TLE4: variants seen among roughly 807,000 people sequenced by gnomAD.
TLE4 encodes transducin-like enhancer protein 4.
TLE4 carries 8 observed loss-of-function variants against 92.8 expected under a neutral mutation model. That is an observed-to-expected ratio of 0.09 (90% CI 0.05 to 0.16). The LOEUF is 0.16. TLE4 is among the 10% of genes least tolerant of loss of function. The pLI, the probability that TLE4 is intolerant of heterozygous loss-of-function variation, is 1.00. For synonymous variants in TLE4, 371 were observed against 374.1 expected (o/e 0.99, Z 0.10); for missense variants, 675 against 997.6 (o/e 0.68, Z 4.36).
intron 14 of TLE4, among the ~76,000 whole-genome samples, chr9:79,711,273 G>A (rs183281856): frequency 2.2e-4 from 33 of 152,282 alleles, no homozygotes; most frequent in South Asian, 1.9e-3. Flanking sequence ...AGAGTTGAAG[G>A]TATAAATATC....
At chr9:79,655,616 A>G (rs1016973339) in intron 8 of TLE4, among the ~76,000 whole-genome samples, 4 of 152,200 alleles carry the variant, frequency 2.6e-5, no homozygotes, top group Admixed American at 2.6e-4. Context: ...GCAGTTGTGT[A>G]TTTTGTTGTA....
At chr9:79,580,970 A>C (rs988703285) in intron 4 of TLE4, among the ~76,000 whole-genome samples, 1 of 152,116 alleles carries the variant, frequency 6.6e-6, no homozygotes, top group Non-Finnish European at 1.5e-5. Flanking sequence ...TACAATTATA[A>C]GACTATGTGT....
intron 14 of TLE4, among the ~76,000 whole-genome samples, chr9:79,709,985 T>G (rs2072819243): frequency 6.6e-6 from 1 of 152,230 alleles, no homozygotes; most frequent in Non-Finnish European, 1.5e-5. Context: ...AATTCTTTGT[T>G]CCAAAAGTCT....
chr9:79,659,262 C>T (rs1306585341), intron 8 of TLE4, among the ~76,000 whole-genome samples: 1 of 152,228 alleles, frequency 6.6e-6, no homozygotes, highest in Non-Finnish European at 1.5e-5. Flanking sequence ...ACGCCTCATA[C>T]ACCCAGCAAC....
At position 79,655,379 on chromosome 9, in the gene TLE4, T is replaced by C. The variant is rs1391906845; in HGVS notation, c.609+1304T>C. Among the ~76,000 whole-genome samples, 4 of 152,210 alleles carry C rather than the reference T, an allele frequency of 2.6e-5. No homozygotes were observed. The South Asian group carries it at 8.3e-4, about 31-fold the overall frequency. On this transcript the variant is annotated intron_variant, in intron 8 of 19. Coordinates refer to ENST00000376552, the MANE Select transcript of TLE4 (RefSeq NM_007005.6). ...GCTATGTATATGAATGCTAAAATTT[T>C]CTCCCAGAACCACTGTGCTAGCACT...
At chr9:79,652,346 C>T (rs983550552) in intron 6 of TLE4, among the ~76,000 whole-genome samples, 1 of 152,092 alleles carries the variant, frequency 6.6e-6, no homozygotes, top group Non-Finnish European at 1.5e-5. Context: ...GCCACCACAC[C>T]CGGCTAATGT....
Position 79,625,945 on chromosome 9 carries a change from A to T in TLE4, c.316-1429A>T, listed in dbSNP as rs375175963. Among the ~76,000 whole-genome samples, 6 of 151,260 alleles carry T rather than the reference A, an allele frequency of 4.0e-5. No individual in the cohort carries two copies. In the East Asian group the frequency reaches 9.7e-4, roughly 24 times the overall value. Reference sequence around the variant, plus strand: ...GATTGCTTCTTAAGCTCCTGCTTTGAAAATGGAATGCATACAATTTAAAAA... The same window carrying T: ...GATTGCTTCTTAAGCTCCTGCTTTGTAAATGGAATGCATACAATTTAAAAA... On this transcript the variant is annotated intron_variant, in intron 5 of 19. Coordinates refer to ENST00000376552, the MANE Select transcript of TLE4 (RefSeq NM_007005.6).
rs1203412262 is a variant in TLE4 at position 79,572,694 on chromosome 9, CCGGCCGCCTCCGCTGCCG to C, written c.-85_-68del. On this transcript the variant is annotated 5_prime_UTR_variant, in exon 1 of 20. Transcript: ENST00000376552. ...CGCCCGAGCCGCCCCTCAGACCGAG[CCGGCCGCCTCCGCTGCCG>C]CGGCCGCCTCCTCTTCGGGGTCATT... The C allele has an allele frequency of 6.1e-5, 81 of 1,333,204 alleles. No homozygotes were observed. Among genetic ancestry groups the C allele is most frequent in the South Asian group, 1.0e-4 (8 of 80,262 alleles). The allele number at this position is 1,333,204 out of a possible 1,614,324, so 82.6% of individuals were successfully genotyped here. A position where few individuals can be genotyped will look rare whatever the true frequency, so the allele number is the denominator to read the frequency against.
At chr9:79,575,072 C>T in intron 3 of TLE4, 136 bp downstream of exon 3, 2 of 602,968 alleles carry the variant, frequency 3.3e-6, no homozygotes, top group East Asian at 6.1e-5. Flanking sequence ...GGGAATATGT[C>T]TATTAGCAAC....
At chr9:79,712,764 C>T (rs1316129175) in intron 14 of TLE4, among the ~76,000 whole-genome samples, 3 of 152,132 alleles carry the variant, frequency 2.0e-5, no homozygotes, top group African/African-American at 4.8e-5. Flanking sequence ...CAACATAAGC[C>T]AAAAATGGCC....
chr9:79,706,762 C>A lies in TLE4; in HGVS notation c.799C>A (p.Arg267=). 6.2e-7 allele frequency: 1 copy of A among 1,613,556 alleles called. No homozygotes were observed. Among genetic ancestry groups the A allele is most frequent in the Non-Finnish European group, 8.5e-7 (1 of 1,179,774 alleles). The change falls in exon 11 of 20, where the codon CGA becomes AGA. Residue 267 remains arginine, a synonymous_variant. Transcript: ENST00000376552. The part of the protein sequence containing the change: ...DVSNEDPSSP[R]GSPAHSPREN... ...TCCTTTGTAGGATCCATCTTCCCCT[C>A]GAGGGAGCCCAGCACATTCCCCCAG...
intron 14 of TLE4, among the ~76,000 whole-genome samples, chr9:79,715,204 C>T (rs1333441298): frequency 6.6e-6 from 1 of 152,144 alleles, no homozygotes; most frequent in African/African-American, 2.4e-5. Flanking sequence ...CTTTAATAAC[C>T]ATTTAGTGAT....
chr9:79,689,025 C>T (rs61479325), intron 8 of TLE4, among the ~76,000 whole-genome samples: 7,101 of 152,112 alleles, frequency 0.047, 395 homozygotes, highest in African/African-American at 0.14. Context: ...CAGAGTAATG[C>T]ATTTCTCTAC....
intron 4 of TLE4, among the ~76,000 whole-genome samples, chr9:79,582,884 A>AG (rs1172836086): frequency 2.0e-5 from 3 of 152,124 alleles, no homozygotes; most frequent in Non-Finnish European, 2.9e-5. Flanking sequence ...GGAGAGAAGC[A>AG]GGGGGGCAGC....
intron 5 of TLE4, among the ~76,000 whole-genome samples, chr9:79,625,244 C>T (rs2052286360): frequency 6.6e-6 from 1 of 151,740 alleles, no homozygotes; most frequent in Non-Finnish European, 1.5e-5. Context: ...TGGTCTCGAT[C>T]TCCTGACCTC....
chr9:79,700,769 G>C (rs2069584296), intron 8 of TLE4, among the ~76,000 whole-genome samples: 1 of 151,994 alleles, frequency 6.6e-6, no homozygotes, highest in African/African-American at 2.4e-5. Flanking sequence ...TTCACATTCA[G>C]GGTATTTTGC....
At chr9:79,702,669 T>G (rs1547276) in intron 8 of TLE4, among the ~76,000 whole-genome samples, 138,098 of 152,256 alleles carry the variant, frequency 0.91, 62,616 homozygotes, top group Non-Finnish European at 0.91. Flanking sequence ...GTTTGATAGG[T>G]CTAGGGCTAG....
intron 6 of TLE4, among the ~76,000 whole-genome samples, chr9:79,632,376 G>T (rs2054521095): frequency 6.6e-6 from 1 of 152,124 alleles, no homozygotes; most frequent in Non-Finnish European, 1.5e-5. Flanking sequence ...TTTATTTTGA[G>T]TTTTCCCCCT....
At chr9:79,708,552 C>T (rs1207721535) in intron 12 of TLE4, 41 bp from the exon 13 acceptor site, 1 of 1,563,150 alleles carries the variant, frequency 6.4e-7, no homozygotes, top group South Asian at 1.1e-5. Flanking sequence ...ACTGTTGTTT[C>T]CTGTGTTCTT....
Sources: allele counts gnomAD v4.1 joint callset (sites outside exome capture counted in the v4.1 genomes callset), GRCh38; gene constraint gnomAD v4.1.1; transcripts MANE v1.5; gene names NCBI Gene and HGNC (gene_info 2026-07-23, HGNC 2026-07-21).